ITGB2: variants seen among roughly 807,000 people sequenced by gnomAD.
The protein encoded by ITGB2 is integrin subunit beta 2.
ITGB2 carries 56 observed loss-of-function variants against 86.8 expected under a neutral mutation model. The observed-to-expected ratio is 0.65, with a 90% CI of 0.52 to 0.81. The LOEUF (loss-of-function observed/expected upper bound fraction) is 0.81. Among genes scored for constraint, ITGB2 ranks in the 30% least tolerant of loss-of-function variants. The pLI is 0.00. For synonymous variants in ITGB2, 457 were observed against 450.4 expected, an observed-to-expected ratio of 1.01 and a Z score of -0.19; for missense variants, 948 against 1,061.2, an observed-to-expected ratio of 0.89 and a Z score of 1.48.
Position 44,886,945 on chromosome 21 carries a change from C to A in ITGB2, c.2081-43G>T, listed in dbSNP as rs201201675. On this transcript the variant is annotated intron_variant, in intron 14 of 15. Transcript: ENST00000652462. ...CACCTGAGCGTCAGTCCAGCCCCAT[C>A]TCACTGAGCCGTGTGCCCACAGGTC... is the stretch of plus-strand genomic sequence containing the variant. 1.6e-5 allele frequency: 26 copies of A among 1,606,610 alleles called. No individual in the cohort carries two copies. In the Admixed American group the frequency reaches 1.7e-4, roughly 10 times the overall value.
intron 13 of ITGB2, 145 bp downstream of exon 13, chr21:44,889,131 C>T (rs535875838): frequency 2.7e-5 from 22 of 804,984 alleles, no homozygotes; most frequent in African/African-American, 5.1e-5. Flanking sequence ...ACGGCGGCCG[C>T]GGAGGGCCCC....
At chr21:44,923,055 C>T (rs1409295520), upstream of ITGB2, 1 of 152,158 alleles carries the variant, frequency 6.6e-6, no homozygotes. Context: ...ATGAATTAGT[C>T]TTGATGAAAT....
chr21:44,916,320 T>C (rs2084209443), intron 1 of ITGB2, among the ~76,000 whole-genome samples: 1 of 151,258 alleles, frequency 6.6e-6, no homozygotes, highest in Non-Finnish European at 1.5e-5. Context: ...AATGCTAAAG[T>C]ACTCTGCTAA....
chr21:44,922,387 G>A (rs964061285), upstream of ITGB2, among the ~76,000 whole-genome samples: 14 of 152,038 alleles, frequency 9.2e-5, no homozygotes, highest in Non-Finnish European at 1.9e-4. Flanking sequence ...TTTATTTTGG[G>A]CATGGTGGCT....
chr21:44,907,178 C>A, intron 3 of ITGB2, 83 bp from the exon 4 acceptor site: 1 of 993,582 alleles, frequency 1.0e-6, no homozygotes, highest in Non-Finnish European at 1.5e-6. Context: ...GACTGAGGAC[C>A]CACCCTGTCC....
At chr21:44,909,779 G>C (rs1225749273) in intron 3 of ITGB2, among the ~76,000 whole-genome samples, 6 of 152,284 alleles carry the variant, frequency 3.9e-5, no homozygotes, top group Non-Finnish European at 4.4e-5. Flanking sequence ...ATCAAATATA[G>C]ATATACATGT....
chr21:44,893,586 G>C (rs776563902), intron 9 of ITGB2, 42 bp from the exon 10 acceptor site: 3 of 1,611,586 alleles, frequency 1.9e-6, no homozygotes, highest in Non-Finnish European at 2.5e-6. Context: ...GAGTGTTTCT[G>C]TTGTCCTGGC....
At chr21:44,892,554 A>G (rs7281624) in intron 10 of ITGB2, among the ~76,000 whole-genome samples, 7,051 of 147,572 alleles carry the variant, frequency 0.048, 536 homozygotes, top group African/African-American at 0.16. Context: ...GTAGTGAGCC[A>G]AGATCGCACC....
intron 1 of ITGB2, among the ~76,000 whole-genome samples, chr21:44,925,940 A>G (rs1332255474): frequency 1.3e-5 from 2 of 152,046 alleles, no homozygotes; most frequent in African/African-American, 4.8e-5. Flanking sequence ...ACAAAAATAA[A>G]TCAATAAAAA....
At chr21:44,889,141 C>T (rs1568880606) in intron 13 of ITGB2, 135 bp downstream of exon 13, 1 of 868,364 alleles carries the variant, frequency 1.2e-6, no homozygotes, top group Non-Finnish European at 1.8e-6. Context: ...CGGAGGGCCC[C>T]TCAGTCCAGA....
intron 1 of ITGB2, among the ~76,000 whole-genome samples, chr21:44,918,328 C>A (rs758525210): frequency 6.6e-6 from 1 of 152,242 alleles, no homozygotes. Flanking sequence ...CATGGAATCG[C>A]CACAGGCGTC....
At chr21:44,906,783 G>T in intron 4 of ITGB2, 132 bp downstream of exon 4, 2 of 913,330 alleles carry the variant, frequency 2.2e-6, no homozygotes, top group Non-Finnish European at 1.7e-6. Flanking sequence ...GGCTTCACTG[G>T]CCCACACACC....
chr21:44,909,754 T>C (rs3788147), intron 3 of ITGB2, among the ~76,000 whole-genome samples: 26,269 of 152,222 alleles, frequency 0.17, 2,475 homozygotes, highest in African/African-American at 0.22. Flanking sequence ...TTTCCTGAAT[T>C]TGATACATGA....
rs1197087934 is a variant in ITGB2, at chr21:44,900,440, C to T, written c.777G>A (p.Leu259=). 1.2e-6 allele frequency: 2 copies of T among 1,614,050 alleles called. No individual in the cohort carries two copies. Among genetic ancestry groups the T allele is most frequent in the African/African-American group, 1.3e-5 (1 of 75,066 alleles). Residue 259 remains leucine, a synonymous_variant, in exon 7 of 16, where the codon CTG becomes CTA. Coordinates refer to ENST00000652462, the MANE Select transcript of ITGB2 (RefSeq NM_000211.5). ...EIGWRNVTRL[L]VFATDDGFHF... ...GGAAGCCGTCATCAGTGGCAAACACCAGCAGCCGCGTGACGTTGCGCCAGC... is the reference window on the plus strand; with the variant it reads ...GGAAGCCGTCATCAGTGGCAAACACTAGCAGCCGCGTGACGTTGCGCCAGC...
In ITGB2 at chr21:44,886,842, A is replaced by G. The variant is rs1261871346; in HGVS notation, c.2141T>C (p.Leu714Pro). The change falls in exon 15 of 16, where the codon CTG becomes CCG. Residue 714 changes from leucine to proline, a missense_variant. By Grantham distance (98) the Leu-to-Pro change is moderately conservative (BLOSUM62 -3). Coordinates refer to ENST00000652462, the MANE Select transcript of ITGB2 (RefSeq NM_000211.5). ...GATGACCAGCAGGAGAATGCCGATC[A>G]GCACGATGCCTGCCACGGTGCCCCC... ...IVGGTVAGIV[L>P]IGILLLVIWK... is the part of the protein sequence containing the mutation. The G allele has an allele frequency of 2.5e-6, 4 of 1,613,638 alleles. No individual in the cohort carries two copies. The highest frequency in any genetic ancestry group is 3.4e-6 in the Non-Finnish European group (4 of 1,180,032).
At chr21:44,901,440 A>G (rs1339358819) in intron 6 of ITGB2, 52 bp downstream of exon 6, 3 of 1,598,798 alleles carry the variant, frequency 1.9e-6, no homozygotes, top group Non-Finnish European at 2.6e-6. Context: ...CGCCTGACAG[A>G]GCCCCCCACA....
At chr21:44,910,429 A>C (rs1256020361) in intron 2 of ITGB2, 57 bp from the exon 3 acceptor site, 3 of 1,612,180 alleles carry the variant, frequency 1.9e-6, no homozygotes, top group Non-Finnish European at 2.5e-6. Flanking sequence ...CCCACACCCA[A>C]GGGGGAGTAG....
At chr21:44,903,811 C>T (rs371064955) in intron 4 of ITGB2, among the ~76,000 whole-genome samples, 5 of 152,238 alleles carry the variant, frequency 3.3e-5, no homozygotes, top group African/African-American at 9.6e-5. Flanking sequence ...TTGACGCCAG[C>T]GACATTGGGG....
At chr21:44,906,612 G>C (rs1376166677) in intron 4 of ITGB2, among the ~76,000 whole-genome samples, 2 of 152,124 alleles carry the variant, frequency 1.3e-5, no homozygotes, top group African/African-American at 4.8e-5. Context: ...TAATGGAATA[G>C]TGTTTTGCAA....
Sources: gnomAD v4.1 joint callset for allele counts (sites outside exome capture counted in the v4.1 genomes callset) on GRCh38, gnomAD v4.1.1 for gene constraint, MANE v1.5 for transcripts, NCBI Gene and HGNC (gene_info 2026-07-23, HGNC 2026-07-21) for gene names.